The following DMAC1 variants were observed in gnomAD, a reference collection of about 807,000 sequenced individuals.
The protein encoded by DMAC1 is distal membrane-arm assembly complex protein 1.
Under a neutral mutation model 7.0 loss-of-function variants are expected in DMAC1, and 10 were observed. That is an observed-to-expected ratio of 1.43 (90% CI 0.88 to 2.43). DMAC1 has a LOEUF of 2.43. DMAC1 is among the 30% of genes most tolerant of loss of function. The probability of loss-of-function intolerance (pLI) is 0.00; values close to 1 mark genes in which losing one functional copy is unlikely to be tolerated. For synonymous variants in DMAC1, 92 were observed against 66.2 expected (o/e 1.39, Z -1.90); for missense variants, 219 against 158.7 (o/e 1.38, Z -2.04).
In DMAC1 at chr9:7,797,650, A is replaced by C. The variant is rs1203753376; in HGVS notation, c.*923T>G. 2.0e-5 allele frequency: 3 copies of C among 152,252 alleles called. No individual in the cohort carries two copies. The highest frequency in any genetic ancestry group is 1.9e-4 in the East Asian group (1 of 5,204). The allele number at this position is 152,252 out of a possible 1,614,324, so 9.4% of individuals were successfully genotyped here. A position where few individuals can be genotyped will look rare whatever the true frequency, so the allele number is the denominator to read the frequency against. On this transcript the variant is annotated 3_prime_UTR_variant, in exon 2 of 2. Transcript: ENST00000358227. ...TATGTAATTTTGAGTACTTATCTCA[A>C]AATCATCACAGAAACATATCTAGTG...
chr9:7,799,038 C>G (rs1818682019), intron 1 of DMAC1, among the ~76,000 whole-genome samples: 1 of 152,020 alleles, frequency 6.6e-6, no homozygotes, highest in Non-Finnish European at 1.5e-5. Flanking sequence ...AGGCAAATTT[C>G]TTAAATTAAG....
chr9:7,798,549 A>C lies in DMAC1; in HGVS notation c.*24T>G, dbSNP rs1382795154. ...GTCACGGGGAAAGGGACAGAGACAG[A>C]AGACAGATTCACTGGTGGTACTTTC... On this transcript the variant is annotated 3_prime_UTR_variant, in exon 2 of 2. Coordinates refer to ENST00000358227, the MANE Select transcript of DMAC1 (RefSeq NM_033428.3). The C allele has an allele frequency of 6.2e-7, 1 of 1,613,732 alleles. No homozygotes were observed.
chr9:7,798,422 A>T lies in DMAC1; in HGVS notation c.*151T>A. The stretch of plus-strand genomic sequence containing the variant: ...CACTCCATAGCCAGAGAATGACAAC[A>T]TACGATTTTCTTCTCAGTCTTGTAG... On this transcript the variant is annotated 3_prime_UTR_variant, in exon 2 of 2. Transcript: ENST00000358227. The T allele has an allele frequency of 1.2e-6, 1 of 857,252 alleles. No individual in the cohort carries two copies. 53.1% of individuals were successfully genotyped at this position (857,252 alleles called of 1,614,324 possible). A position where few individuals can be genotyped will look rare whatever the true frequency, so the allele number is the denominator to read the frequency against.
Position 7,799,697 on chromosome 9 carries a change from A to C in DMAC1, c.38T>G (p.Ile13Ser), listed in dbSNP as rs1339918686. The change falls in exon 1 of 2, where the codon ATC becomes AGC. Residue 13 changes from isoleucine to serine, a missense_variant. Transcript: ENST00000358227. ...GGCGGCGGTACCGGGAGGCGCAGTG[A>C]TATAGGACTCAAAAGGCTGGGACAA... ...SRLSQPFESY[I>S]TAPPGTAAAP... 6.3e-7 allele frequency: 1 copy of C among 1,583,076 alleles called. No individual in the cohort carries two copies. Among genetic ancestry groups the C allele is most frequent in the African/African-American group, 1.3e-5 (1 of 74,304 alleles).
chr9:7,798,659 C>T (rs1392801163), intron 1 of DMAC1, 22 bp from the exon 2 acceptor site: 4 of 1,531,822 alleles, frequency 2.6e-6, no homozygotes, highest in African/African-American at 1.4e-5. Context: ...ACAACAATAC[C>T]TTACCTTTAT....
chr9:7,799,542 C>T lies in DMAC1; in HGVS notation c.193G>A (p.Val65Met), dbSNP rs746888998. ...GLGLMGAGGY[V>M]YWVARKPMKM... is the part of the protein sequence containing the mutation. Reference sequence around the variant, plus strand: ...ATGGGCTTCCGTGCCACCCAGTACACGTACCCGCCCGCCCCCATCAGCCCC... The same window carrying T: ...ATGGGCTTCCGTGCCACCCAGTACATGTACCCGCCCGCCCCCATCAGCCCC... The change falls in exon 1 of 2, where the codon GTG (valine) becomes ATG (methionine). Residue 65 changes from valine to methionine, a missense_variant. By Grantham distance (21) the Val-to-Met change is conservative. Transcript: ENST00000358227. The T allele has an allele frequency of 3.7e-6, 6 of 1,613,840 alleles. No homozygotes were observed. The highest frequency in any genetic ancestry group is 5.1e-6 in the Non-Finnish European group (6 of 1,180,024).
rs1353854810 is a variant in DMAC1, at chr9:7,798,265, T to A, written c.*308A>T. 1 of 262,824 alleles carries A rather than the reference T, an allele frequency of 3.8e-6. No homozygotes were observed. Among genetic ancestry groups the A allele is most frequent in the Non-Finnish European group, 7.3e-6 (1 of 136,070 alleles). 16.3% of individuals were successfully genotyped at this position (262,824 alleles called of 1,614,324 possible). On this transcript the variant is annotated 3_prime_UTR_variant, in exon 2 of 2. Coordinates refer to ENST00000358227, the MANE Select transcript of DMAC1 (RefSeq NM_033428.3). ...CAATTATATAAGACATACTATTATG[T>A]TTATATATAATGCTTAATTAAGCAA...
rs1317614152 is a variant in DMAC1, at chr9:7,798,635, T to G, written c.277A>C (p.Ile93Leu). Residue 93 changes from isoleucine (I) to leucine (L), a missense_variant and splice_region_variant, in exon 2 of 2, where the codon ATT becomes CTT. Coordinates refer to ENST00000358227, the MANE Select transcript of DMAC1 (RefSeq NM_033428.3). Reference sequence around the variant, plus strand: ...ATGACAACGATACCCCAGGTGGCAATGCCTAGAAAAAAAACAACAATACCT... The same window carrying G: ...ATGACAACGATACCCCAGGTGGCAAGGCCTAGAAAAAAAACAACAATACCT... ...TITQMVIGLS[I>L]ATWGIVVMAD... 2 of 1,564,266 alleles carry G rather than the reference T, an allele frequency of 1.3e-6. No individual in the cohort carries two copies. Among genetic ancestry groups the G allele is most frequent in the Non-Finnish European group, 1.7e-6 (2 of 1,151,380 alleles).
rs747590482 is a variant in DMAC1 at position 7,799,522 on chromosome 9, C to T, written c.213G>A (p.Lys71=). 9 of 1,613,574 alleles carry T rather than the reference C, an allele frequency of 5.6e-6. No individual in the cohort carries two copies. Among genetic ancestry groups the T allele is most frequent in the Non-Finnish European group, 7.6e-6 (9 of 1,180,024 alleles). ...AGGYVYWVAR[K]PMKMGYPPSP... ...TCGGGGGGTATCCCATCTTCATGGG[C>T]TTCCGTGCCACCCAGTACACGTACC... The change falls in exon 1 of 2, where the codon AAG becomes AAA. Residue 71 remains lysine, a synonymous_variant. Coordinates refer to ENST00000358227, the MANE Select transcript of DMAC1 (RefSeq NM_033428.3).
chr9:7,799,299 G>C, intron 1 of DMAC1, 162 bp downstream of exon 1: 2 of 844,638 alleles, frequency 2.4e-6, no homozygotes, highest in East Asian at 2.8e-5. Flanking sequence ...AAAAAAGAAA[G>C]GCGTTCCAAC....
rs1207990967 is a variant in DMAC1 at position 7,796,688 on chromosome 9, T to A, written c.*1885A>T. The A allele has an allele frequency of 6.6e-6, 1 of 152,256 alleles. No homozygotes were observed. Among genetic ancestry groups the A allele is most frequent in the Non-Finnish European group, 1.5e-5 (1 of 68,056 alleles). 9.4% of individuals were successfully genotyped at this position (152,256 alleles called of 1,614,324 possible). A position where few individuals can be genotyped will look rare whatever the true frequency, so the allele number is the denominator to read the frequency against. On this transcript the variant is annotated 3_prime_UTR_variant, in exon 2 of 2. Coordinates refer to ENST00000358227, the MANE Select transcript of DMAC1 (RefSeq NM_033428.3). ...GGACAGAAAGACCAACTCCTCTTGC[T>A]CCTCAGACTACTCAGCGTGAAGATG...
At position 7,798,637 on chromosome 9, in the gene DMAC1, C is replaced by G. The variant is rs754108666; in HGVS notation, c.275G>C (p.Ser92Thr). 2 of 1,555,520 alleles carry G rather than the reference C, an allele frequency of 1.3e-6. No homozygotes were observed. Among genetic ancestry groups the G allele is most frequent in the Non-Finnish European group, 1.7e-6 (2 of 1,147,098 alleles). Residue 92 changes from serine (S) to threonine (T), a missense_variant and splice_region_variant, in exon 2 of 2, where the codon AGC becomes ACC. Ser to Thr is a moderately conservative substitution (Grantham distance 58). Transcript: ENST00000358227. ...WTITQMVIGL[S>T]IATWGIVVMA... ...GACAACGATACCCCAGGTGGCAATG[C>G]CTAGAAAAAAAACAACAATACCTTA...
intron 1 of DMAC1, among the ~76,000 whole-genome samples, 166 bp downstream of exon 1, chr9:7,799,292 AAAG>A (rs913201506): frequency 4.6e-5 from 7 of 150,716 alleles, no homozygotes; most frequent in Non-Finnish European, 8.8e-5. Context: ...AAAAAAAAAA[AAAG>A]AAAGGCGTTC....
In DMAC1 at chr9:7,797,440, A is replaced by C. The variant is rs2129794939; in HGVS notation, c.*1133T>G. 1 of 152,362 alleles carries C rather than the reference A, an allele frequency of 6.6e-6. No homozygotes were observed. Among genetic ancestry groups the C allele is most frequent in the South Asian group, 2.1e-4 (1 of 4,832 alleles). The allele number at this position is 152,362 out of a possible 1,614,324, so 9.4% of individuals were successfully genotyped here. ...ACTTCCACATAATGCTGCAAAAAGC[A>C]ACAGCCGTAAAGGTACTACCTGCTC... On this transcript the variant is annotated 3_prime_UTR_variant, in exon 2 of 2. Transcript: ENST00000358227.
In DMAC1 at chr9:7,797,004, T is replaced by C. The variant is rs948132661; in HGVS notation, c.*1569A>G. 3.9e-5 allele frequency: 6 copies of C among 152,174 alleles called. No individual in the cohort carries two copies. Among genetic ancestry groups the C allele is most frequent in the African/African-American group, 1.4e-4 (6 of 41,422 alleles). 9.4% of individuals were successfully genotyped at this position (152,174 alleles called of 1,614,324 possible). A position where few individuals can be genotyped will look rare whatever the true frequency, so the allele number is the denominator to read the frequency against. On this transcript the variant is annotated 3_prime_UTR_variant, in exon 2 of 2. Transcript: ENST00000358227. ...GTGTTGTCCAAGGGTCAACTGTATA[T>C]ATATTTAAGAGTTATTATTTACCCA...
chr9:7,799,323 A>G, intron 1 of DMAC1, 138 bp downstream of exon 1: 3 of 1,144,916 alleles, frequency 2.6e-6, no homozygotes, highest in South Asian at 3.2e-5. Context: ...TTCCTCTCCC[A>G]CCTTGTTTGA....
rs944620928 is a variant in DMAC1 at position 7,796,820 on chromosome 9, G to A, written c.*1753C>T. On this transcript the variant is annotated 3_prime_UTR_variant, in exon 2 of 2. Coordinates refer to ENST00000358227, the MANE Select transcript of DMAC1 (RefSeq NM_033428.3). ...CTAGCTTACCTTCTTGTAAGAATACGGAATATAATACATACAACACAAAAA... is the reference window on the plus strand; with the variant it reads ...CTAGCTTACCTTCTTGTAAGAATACAGAATATAATACATACAACACAAAAA... The A allele has an allele frequency of 6.0e-5, 8 of 133,556 alleles. No homozygotes were observed. The highest frequency in any genetic ancestry group is 3.2e-4 in the Admixed American group (4 of 12,348). 8.3% of individuals were successfully genotyped at this position (133,556 alleles called of 1,614,324 possible).
chr9:7,797,518 T>C lies in DMAC1; in HGVS notation c.*1055A>G, dbSNP rs1818633144. 1 of 152,166 alleles carries C rather than the reference T, an allele frequency of 6.6e-6. No homozygotes were observed. 9.4% of individuals were successfully genotyped at this position (152,166 alleles called of 1,614,324 possible). A position where few individuals can be genotyped will look rare whatever the true frequency, so the allele number is the denominator to read the frequency against. On this transcript the variant is annotated 3_prime_UTR_variant, in exon 2 of 2. Coordinates refer to ENST00000358227, the MANE Select transcript of DMAC1 (RefSeq NM_033428.3). ...TGATTAGCAGCTGAATTTAACAGTA[T>C]CTTTCCGCTTTGAAAAACACTTTAT...
chr9:7,799,200 T>C (rs1473529417), intron 1 of DMAC1, among the ~76,000 whole-genome samples: 5 of 151,738 alleles, frequency 3.3e-5, no homozygotes, highest in African/African-American at 1.2e-4. Flanking sequence ...AATACTATAA[T>C]CATACCTACT....
Sources: gnomAD v4.1 joint callset for allele counts (sites outside exome capture counted in the v4.1 genomes callset) on GRCh38, gnomAD v4.1.1 for gene constraint, MANE v1.5 for transcripts, NCBI Gene and HGNC (gene_info 2026-07-23, HGNC 2026-07-21) for gene names.